FHIT: variants seen among roughly 807,000 people sequenced by gnomAD.
The protein encoded by FHIT is fragile histidine triad diadenosine triphosphatase.
Under a neutral mutation model 17.9 loss-of-function variants are expected in FHIT, and 19 were observed. That is an observed-to-expected ratio of 1.06 (90% CI 0.74 to 1.56). The LOEUF (loss-of-function observed/expected upper bound fraction) is 1.56, where lower values mean the gene tolerates loss of function less well. FHIT is among the 40% of genes most tolerant of loss of function. The pLI, the probability that FHIT is intolerant of heterozygous loss-of-function variation, is 0.00. For missense variants in FHIT, 248 were observed against 189.2 expected (o/e 1.31, Z -1.82); for synonymous variants, 81 against 69.7 (o/e 1.16, Z -0.81).
intron 3 of FHIT, among the ~76,000 whole-genome samples, chr3:60,986,267 T>A (rs1195461681): frequency 6.6e-6 from 1 of 152,142 alleles, no homozygotes. Flanking sequence ...AACCAATGAA[T>A]TACTATCACT....
At chr3:60,745,640 G>T (rs1180634187) in intron 4 of FHIT, among the ~76,000 whole-genome samples, 1 of 152,150 alleles carries the variant, frequency 6.6e-6, no homozygotes, top group African/African-American at 2.4e-5. Flanking sequence ...GGTCACAGGT[G>T]TCTAGGAGGG....
intron 5 of FHIT, among the ~76,000 whole-genome samples, chr3:60,348,898 G>T (rs992401420): frequency 1.3e-5 from 2 of 152,230 alleles, no homozygotes; most frequent in African/African-American, 4.8e-5. Context: ...AAGTCATTCA[G>T]CCAAGAACAG....
At chr3:61,051,721 C>T (rs1427497924) in intron 2 of FHIT, among the ~76,000 whole-genome samples, 7 of 152,156 alleles carry the variant, frequency 4.6e-5, no homozygotes, top group Non-Finnish European at 8.8e-5. Context: ...AAATATAACA[C>T]ATGCAAAGAG....
chr3:60,256,858 G>C (rs1463181673), intron 5 of FHIT, among the ~76,000 whole-genome samples: 1 of 152,034 alleles, frequency 6.6e-6, no homozygotes, highest in African/African-American at 2.4e-5. Context: ...CTAATATTCA[G>C]CTCCCATCAT....
intron 8 of FHIT, among the ~76,000 whole-genome samples, chr3:59,800,724 T>A (rs1699958978): frequency 6.6e-6 from 1 of 152,152 alleles, no homozygotes; most frequent in South Asian, 2.1e-4. Context: ...AGTGTGTATC[T>A]TCCTCAGGAA....
intron 2 of FHIT, among the ~76,000 whole-genome samples, chr3:61,195,972 C>T (rs1280758719): frequency 1.3e-5 from 2 of 151,870 alleles, no homozygotes; most frequent in Non-Finnish European, 2.9e-5. Flanking sequence ...AAATACCATT[C>T]GGCTTAGCAA....
intron 7 of FHIT, among the ~76,000 whole-genome samples, chr3:59,935,881 T>A (rs1706212463): frequency 6.6e-6 from 1 of 152,220 alleles, no homozygotes; most frequent in South Asian, 2.1e-4. Context: ...TGTCATTTTC[T>A]TTTGCTTGAA....
intron 4 of FHIT, among the ~76,000 whole-genome samples, chr3:60,712,599 A>G (rs1427614816): frequency 6.6e-6 from 1 of 152,176 alleles, no homozygotes; most frequent in Non-Finnish European, 1.5e-5. Flanking sequence ...AAGCAAATGG[A>G]AAACAAAAAA....
intron 3 of FHIT, among the ~76,000 whole-genome samples, chr3:60,874,988 GA>G (rs1427232056): frequency 6.6e-6 from 1 of 152,148 alleles, no homozygotes; most frequent in Non-Finnish European, 1.5e-5. Context: ...CTATGAGAGA[GA>G]AATGAGATAA....
chr3:61,219,274 C>T (rs1239238311), intron 1 of FHIT, among the ~76,000 whole-genome samples: 1 of 151,822 alleles, frequency 6.6e-6, no homozygotes, highest in African/African-American at 2.4e-5. Context: ...GTTGAATAAA[C>T]TAATACAAGC....
chr3:59,989,409 A>C (rs747657552), intron 7 of FHIT, among the ~76,000 whole-genome samples: 10 of 152,030 alleles, frequency 6.6e-5, no homozygotes, highest in Non-Finnish European at 1.3e-4. Flanking sequence ...AGTTCTACTT[A>C]AAGTGAGACA....
At chr3:60,869,089 CACA>C (rs1474544574) in intron 3 of FHIT, among the ~76,000 whole-genome samples, 3 of 152,108 alleles carry the variant, frequency 2.0e-5, no homozygotes, top group Non-Finnish European at 4.4e-5. Flanking sequence ...ATTCTGGCAA[CACA>C]ACAGGAAGGA....
chr3:60,860,598 G>A (rs1445639715), intron 3 of FHIT, among the ~76,000 whole-genome samples: 1 of 73,092 alleles, frequency 1.4e-5, no homozygotes, highest in African/African-American at 5.0e-5. Context: ...CATATATCAG[G>A]TATATATGAT....
intron 3 of FHIT, among the ~76,000 whole-genome samples, chr3:61,021,648 T>G (rs9682902): frequency 0.034 from 4,996 of 148,474 alleles, 209 homozygotes; most frequent in African/African-American, 0.082. Context: ...AAACTGTCTC[T>G]CAGACCAAAG....
intron 2 of FHIT, among the ~76,000 whole-genome samples, chr3:61,087,571 G>T (rs1357929525): frequency 3.9e-5 from 6 of 152,080 alleles, no homozygotes. Context: ...CATAAAAAGT[G>T]TTCCATAAAC....
intron 4 of FHIT, among the ~76,000 whole-genome samples, chr3:60,604,379 A>T (rs1553670193): frequency 6.6e-6 from 1 of 152,184 alleles, no homozygotes; most frequent in Admixed American, 6.5e-5. Context: ...ATGAGATCAA[A>T]TCATATGCTA....
intron 4 of FHIT, among the ~76,000 whole-genome samples, chr3:60,674,869 G>A (rs2040586907): frequency 1.3e-5 from 2 of 152,148 alleles, no homozygotes; most frequent in Admixed American, 1.3e-4. Flanking sequence ...GACCTGCAAA[G>A]AAACCTCCAT....
chr3:60,992,525 A>G (rs1389869598), intron 3 of FHIT, among the ~76,000 whole-genome samples: 1 of 152,168 alleles, frequency 6.6e-6, no homozygotes, highest in Non-Finnish European at 1.5e-5. Flanking sequence ...TTCCAAAGCT[A>G]CTTCCCGTTT....
intron 4 of FHIT, among the ~76,000 whole-genome samples, chr3:60,609,687 G>A (rs1358331054): frequency 6.6e-6 from 1 of 152,082 alleles, no homozygotes; most frequent in Non-Finnish European, 1.5e-5. Context: ...GCTTAGGCAA[G>A]TACCACCCTA....
Sources: allele counts gnomAD v4.1 joint callset (sites outside exome capture counted in the v4.1 genomes callset), GRCh38; gene constraint gnomAD v4.1.1; transcripts MANE v1.5; gene names NCBI Gene and HGNC (gene_info 2026-07-23, HGNC 2026-07-21).